Variants in SETBP1 observed in about 807,000 individuals in gnomAD.
SETBP1 encodes SET binding protein 1.
In SETBP1, 9 loss-of-function variants were observed where a neutral mutation model predicts 101.0. The ratio of observed to expected loss-of-function variants is 0.09; its 90% CI spans 0.05 to 0.16. SETBP1 has a LOEUF of 0.16. SETBP1 is among the 10% of genes least tolerant of loss of function. The probability of loss-of-function intolerance (pLI) is 1.00; values close to 1 mark genes in which losing one functional copy is unlikely to be tolerated. For missense variants in SETBP1, 1,858 were observed against 2,033.8 expected, an observed-to-expected ratio of 0.91 and a Z score of 1.66; for synonymous variants, 818 against 788.5, an observed-to-expected ratio of 1.04 and a Z score of -0.63.
At chr18:44,866,026 G>C (rs537720546) in intron 2 of SETBP1, among the ~76,000 whole-genome samples, 66 of 152,288 alleles carry the variant, frequency 4.3e-4, no homozygotes, top group African/African-American at 1.5e-3. Flanking sequence ...AACTGGGATG[G>C]GCCCATTTAA....
intron 2 of SETBP1, among the ~76,000 whole-genome samples, chr18:44,860,332 A>G (rs533392660): frequency 6.6e-6 from 1 of 152,320 alleles, no homozygotes; most frequent in African/African-American, 2.4e-5. Flanking sequence ...GAAAGGACCT[A>G]CAACCCAGAT....
intron 2 of SETBP1, among the ~76,000 whole-genome samples, chr18:44,720,905 C>G (rs868427027): frequency 5.3e-5 from 5 of 93,894 alleles, no homozygotes; most frequent in East Asian, 7.6e-4. Flanking sequence ...CCTCCAACCC[C>G]CACCCCCCAC....
intron 2 of SETBP1, among the ~76,000 whole-genome samples, chr18:44,799,582 G>A (rs989375300): frequency 3.3e-5 from 5 of 149,378 alleles, no homozygotes; most frequent in Non-Finnish European, 7.5e-5. Context: ...CAGCATCACA[G>A]GGATAGTAAT....
intron 2 of SETBP1, among the ~76,000 whole-genome samples, chr18:44,831,062 C>T (rs981722252): frequency 1.3e-5 from 2 of 152,144 alleles, no homozygotes; most frequent in Non-Finnish European, 2.9e-5. Context: ...CTTTTCTTTT[C>T]TGTTTTTATT....
chr18:44,952,207 A>T lies in SETBP1; in HGVS notation c.2867A>T (p.Asp956Val), dbSNP rs1242513331. Reference sequence around the variant, plus strand: ...CGCGATGACCTCCAGTTTCTGGCAGACCTGGAGGAGCTAATCACCAAGTTC... The same window carrying T: ...CGCGATGACCTCCAGTTTCTGGCAGTCCTGGAGGAGCTAATCACCAAGTTC... ...QNRDDLQFLA[D>V]LEELITKFQV... is the part of the protein sequence containing the mutation. Residue 956 changes from aspartate to valine, a missense_variant, in exon 4 of 6, where the codon GAC (aspartate) becomes GTC (valine). Around this residue, in one of 12 missense-constraint regions of SETBP1, gnomAD observed 255 missense variants for 300.1 expected, o/e 0.85. Transcript: ENST00000649279. 1 of 1,614,170 alleles carries T rather than the reference A, an allele frequency of 6.2e-7. No individual in the cohort carries two copies. Among genetic ancestry groups the T allele is most frequent in the Non-Finnish European group, 8.5e-7 (1 of 1,180,036 alleles).
chr18:44,840,693 G>A (rs897767267), intron 2 of SETBP1, among the ~76,000 whole-genome samples: 45 of 152,324 alleles, frequency 3.0e-4, no homozygotes, highest in African/African-American at 1.1e-3. Flanking sequence ...CACGTTCCCA[G>A]TTCCTGAAAC....
Position 44,950,539 on chromosome 18 carries a change from T to A in SETBP1, c.1199T>A (p.Val400Asp). Residue 400 changes from valine (V) to aspartate (D), a missense_variant, in exon 4 of 6, where the codon GTC becomes GAC. By Grantham distance (152) the Val-to-Asp change is radical (BLOSUM62 -3). This residue lies in a region of SETBP1 where 581 missense variants were observed against 535.1 expected (regional missense o/e 1.09). Transcript: ENST00000649279. ...ASNPENDSSHVRITIPIKAPS... is the reference protein window; with the variant it reads ...ASNPENDSSHDRITIPIKAPS... The stretch of plus-strand genomic sequence containing the variant: ...AATCCTGAAAATGACTCAAGTCATG[T>A]CCGGATTACTATCCCCATCAAGGCA... The A allele has an allele frequency of 6.2e-7, 1 of 1,614,064 alleles. No homozygotes were observed. The highest frequency in any genetic ancestry group is 1.1e-5 in the South Asian group (1 of 91,082).
intron 4 of SETBP1, among the ~76,000 whole-genome samples, chr18:45,000,543 T>C (rs1389075625): frequency 2.0e-5 from 3 of 152,068 alleles, no homozygotes; most frequent in Non-Finnish European, 4.4e-5. Context: ...CACCACCAAA[T>C]CTGTTGAAAA....
intron 1 of SETBP1, among the ~76,000 whole-genome samples, chr18:44,698,685 A>T (rs1189845653): frequency 6.6e-6 from 1 of 152,226 alleles, no homozygotes; most frequent in African/African-American, 2.4e-5. Context: ...TCAAGTGGAG[A>T]AAACTTTCTT....
chr18:44,926,240 C>T (rs1451486678), intron 3 of SETBP1, among the ~76,000 whole-genome samples: 6 of 151,894 alleles, frequency 4.0e-5, no homozygotes, highest in East Asian at 1.9e-4. Flanking sequence ...GCCGAAGTGT[C>T]GATATTATGG....
chr18:44,956,986 C>T (rs988344018), intron 4 of SETBP1, among the ~76,000 whole-genome samples: 11 of 152,176 alleles, frequency 7.2e-5, no homozygotes, highest in African/African-American at 1.9e-4. Context: ...CTCTTTTGGC[C>T]TGTTTTCTAA....
chr18:44,945,664 A>G (rs530413693), intron 3 of SETBP1, among the ~76,000 whole-genome samples: 20 of 152,298 alleles, frequency 1.3e-4, no homozygotes, highest in African/African-American at 4.8e-4. Context: ...CCAATATGGA[A>G]TGTCATTGAC....
At chr18:45,061,393 G>A (rs1031597210) in intron 5 of SETBP1, among the ~76,000 whole-genome samples, 1 of 152,092 alleles carries the variant, frequency 6.6e-6, no homozygotes, top group Non-Finnish European at 1.5e-5. Context: ...CTTACAACCA[G>A]GCAACCTTTT....
chr18:44,926,607 A>G (rs971781149), intron 3 of SETBP1, among the ~76,000 whole-genome samples: 10 of 152,140 alleles, frequency 6.6e-5, no homozygotes, highest in African/African-American at 2.4e-4. Context: ...CTAGTGGATC[A>G]AGGAAAGAGG....
chr18:44,911,941 C>CCACACACACACCCA, intron 3 of SETBP1, among the ~76,000 whole-genome samples: 2 of 150,038 alleles, frequency 1.3e-5, no homozygotes, highest in East Asian at 3.9e-4. Context: ...ATACACACAC[C>CCACACACACACCCA]CACACACACA....
At chr18:44,785,375 A>G (rs2071218658) in intron 2 of SETBP1, among the ~76,000 whole-genome samples, 1 of 152,190 alleles carries the variant, frequency 6.6e-6, no homozygotes, top group South Asian at 2.1e-4. Context: ...CTTTCTCTCA[A>G]TTACCCATCA....
At chr18:44,908,781 C>T (rs751751319) in intron 3 of SETBP1, among the ~76,000 whole-genome samples, 7 of 152,156 alleles carry the variant, frequency 4.6e-5, no homozygotes, top group Non-Finnish European at 8.8e-5. Context: ...AATTTTCTCA[C>T]GTATTTAAAA....
intron 2 of SETBP1, 104 bp from the exon 3 acceptor site, chr18:44,869,126 G>T: frequency 4.9e-6 from 5 of 1,016,608 alleles, no homozygotes; most frequent in South Asian, 2.6e-5. Flanking sequence ...CACTTCTGTA[G>T]CTCTCATCCA....
chr18:44,792,205 T>C (rs2071385182), intron 2 of SETBP1, among the ~76,000 whole-genome samples: 1 of 152,196 alleles, frequency 6.6e-6, no homozygotes, highest in Admixed American at 6.5e-5. Context: ...AGATCCCCAA[T>C]GTCCCATCCA....
Sources: gnomAD v4.1 joint callset for allele counts (sites outside exome capture counted in the v4.1 genomes callset) on GRCh38, gnomAD v4.1.1 for gene constraint, gnomAD v4.1.1 regional missense constraint, MANE v1.5 for transcripts, NCBI Gene and HGNC (gene_info 2026-07-23, HGNC 2026-07-21) for gene names.